Variants in SGCZ observed in about 807,000 individuals in gnomAD.
SGCZ encodes the protein sarcoglycan zeta.
Under a neutral mutation model 41.3 loss-of-function variants are expected in SGCZ, and 40 were observed. The observed-to-expected ratio is 0.97, with a 90% CI of 0.75 to 1.26. The LOEUF is 1.26. Ranked by LOEUF, SGCZ falls within the 50% of genes most tolerant of loss-of-function variation. The probability of loss-of-function intolerance (pLI) is 0.00; values close to 1 mark genes in which losing one functional copy is unlikely to be tolerated. For synonymous variants in SGCZ, 206 were observed against 137.5 expected, an observed-to-expected ratio of 1.50 and a Z score of -3.49; for missense variants, 552 against 369.8, an observed-to-expected ratio of 1.49 and a Z score of -4.04.
intron 4 of SGCZ, among the ~76,000 whole-genome samples, chr8:14,193,078 T>C (rs1201040409): frequency 1.3e-5 from 2 of 151,848 alleles, no homozygotes; most frequent in Admixed American, 6.6e-5. Flanking sequence ...CTGTATCTTA[T>C]AGGCTGTCAA....
chr8:14,355,748 T>C (rs148244711), intron 2 of SGCZ, among the ~76,000 whole-genome samples: 1 of 152,204 alleles, frequency 6.6e-6, no homozygotes, highest in African/African-American at 2.4e-5. Context: ...TCACAGTGTC[T>C]GGCATACTCA....
chr8:15,186,104 A>G (rs1242598227), intron 1 of SGCZ, among the ~76,000 whole-genome samples: 3 of 37,428 alleles, frequency 8.0e-5, no homozygotes, highest in Admixed American at 4.7e-4. Flanking sequence ...AAAAAAATAA[A>G]AAAAAAACTT....
intron 1 of SGCZ, among the ~76,000 whole-genome samples, chr8:14,795,344 T>C (rs1000716968): frequency 6.6e-6 from 1 of 152,198 alleles, no homozygotes; most frequent in Non-Finnish European, 1.5e-5. Flanking sequence ...ATGACACCCA[T>C]AATTCACTTA....
chr8:14,322,665 T>G (rs1468119036), intron 3 of SGCZ, among the ~76,000 whole-genome samples: 1 of 152,162 alleles, frequency 6.6e-6, no homozygotes, highest in Non-Finnish European at 1.5e-5. Context: ...GATAAATCAT[T>G]TCTGCTGTCC....
chr8:14,766,114 C>T (rs1681600608), intron 1 of SGCZ, among the ~76,000 whole-genome samples: 1 of 151,896 alleles, frequency 6.6e-6, no homozygotes, highest in African/African-American at 2.4e-5. Flanking sequence ...AGGTATGTGC[C>T]ACCACACCCA....
At position 14,772,307 on chromosome 8, in the gene SGCZ, A is replaced by G. The variant is rs1205326333; in HGVS notation, c.40-217381T>C. Among the ~76,000 whole-genome samples, 3 of 152,248 alleles carry G rather than the reference A, an allele frequency of 2.0e-5. No homozygotes were observed. The East Asian group carries it at 5.8e-4, about 29-fold the overall frequency. ...AATGGGTTTATAGTGACATAAACCCATCCTAAGGTGAAGAGCAACTAGAAT... is the reference window on the plus strand; with the variant it reads ...AATGGGTTTATAGTGACATAAACCCGTCCTAAGGTGAAGAGCAACTAGAAT... On this transcript the variant is annotated intron_variant, in intron 1 of 7. Transcript: ENST00000382080.
At chr8:14,428,131 CACAT>C (rs1259103857) in intron 2 of SGCZ, among the ~76,000 whole-genome samples, 394 of 4,106 alleles carry the variant, frequency 0.096, no homozygotes, top group African/African-American at 0.17. Flanking sequence ...CACACACACA[CACAT>C]ATATATATAT....
intron 1 of SGCZ, among the ~76,000 whole-genome samples, chr8:15,190,432 G>A (rs969333488): frequency 2.6e-5 from 4 of 152,020 alleles, no homozygotes; most frequent in African/African-American, 9.7e-5. Context: ...CAGTGGTTAA[G>A]ACTCACTCTC....
At chr8:14,431,385 A>G (rs1287464625) in intron 2 of SGCZ, among the ~76,000 whole-genome samples, 1 of 152,212 alleles carries the variant, frequency 6.6e-6, no homozygotes, top group Non-Finnish European at 1.5e-5. Flanking sequence ...AAATAAATCC[A>G]AATACTTAGA....
At chr8:15,189,394 C>T (rs1184645787) in intron 1 of SGCZ, among the ~76,000 whole-genome samples, 1 of 152,020 alleles carries the variant, frequency 6.6e-6, no homozygotes, top group Non-Finnish European at 1.5e-5. Flanking sequence ...TTTGAAACAC[C>T]TCCTCCAAAT....
At chr8:14,631,665 G>A (rs1806659337) in intron 1 of SGCZ, among the ~76,000 whole-genome samples, 2 of 152,038 alleles carry the variant, frequency 1.3e-5, no homozygotes, top group Admixed American at 6.6e-5. Flanking sequence ...AATACTGAAA[G>A]ATAAAAACGT....
At chr8:14,395,671 T>C (rs974155621) in intron 2 of SGCZ, among the ~76,000 whole-genome samples, 3 of 152,200 alleles carry the variant, frequency 2.0e-5, no homozygotes, top group African/African-American at 7.2e-5. Flanking sequence ...TACTCTAAAA[T>C]ACCCTGACCC....
At chr8:14,828,802 C>T (rs1264375006) in intron 1 of SGCZ, among the ~76,000 whole-genome samples, 1 of 152,124 alleles carries the variant, frequency 6.6e-6, no homozygotes, top group East Asian at 1.9e-4. Flanking sequence ...CAGAAAAATG[C>T]CCATGCCCGA....
intron 1 of SGCZ, among the ~76,000 whole-genome samples, chr8:15,197,395 A>G (rs1226637881): frequency 6.6e-6 from 1 of 152,224 alleles, no homozygotes; most frequent in East Asian, 1.9e-4. Context: ...TCATTTCAGA[A>G]TGTGGCAGGA....
At chr8:15,164,032 G>A (rs772212118) in intron 1 of SGCZ, among the ~76,000 whole-genome samples, 1 of 152,226 alleles carries the variant, frequency 6.6e-6, no homozygotes, top group Non-Finnish European at 1.5e-5. Flanking sequence ...CGCTCTAGCA[G>A]GGACTCTGAC....
chr8:14,096,457 A>C lies in SGCZ; in HGVS notation c.745-5820T>G, dbSNP rs141274426. ...GCCTTGCATCCCAGGGATGAAGCCA[A>C]CTTGATCGTGGTGGATAAGCTTTTT... On this transcript the variant is annotated intron_variant, in intron 7 of 7. Coordinates refer to ENST00000382080, the MANE Select transcript of SGCZ (RefSeq NM_139167.4). Among the ~76,000 whole-genome samples, 181 of 152,304 alleles carry C rather than the reference A, an allele frequency of 1.2e-3. 3 individuals are homozygous for C. Among genetic ancestry groups the C allele is most frequent in the African/African-American group, 4.1e-3 (172 of 41,570 alleles).
chr8:14,278,151 T>A (rs1800299621), intron 3 of SGCZ, among the ~76,000 whole-genome samples: 1 of 152,120 alleles, frequency 6.6e-6, no homozygotes, highest in African/African-American at 2.4e-5. Context: ...AGCTCATTCA[T>A]TCTCCCTAAA....
chr8:14,904,632 A>T (rs1236495963), intron 1 of SGCZ, among the ~76,000 whole-genome samples: 1 of 152,020 alleles, frequency 6.6e-6, no homozygotes, highest in Non-Finnish European at 1.5e-5. Context: ...CAACTGCACA[A>T]TTTATTGAGG....
chr8:14,838,576 T>G (rs1428120262), intron 1 of SGCZ, among the ~76,000 whole-genome samples: 2 of 152,084 alleles, frequency 1.3e-5, no homozygotes, highest in East Asian at 3.9e-4. Context: ...TCTGAAGCTG[T>G]TTACCTCCCC....
Sources: gnomAD v4.1 joint callset for allele counts (sites outside exome capture counted in the v4.1 genomes callset) on GRCh38, gnomAD v4.1.1 for gene constraint, MANE v1.5 for transcripts, NCBI Gene and HGNC (gene_info 2026-07-23, HGNC 2026-07-21) for gene names.